Variants in SNX18 observed in about 807,000 individuals in gnomAD.
SNX18 encodes the protein sorting nexin-18.
SNX18 carries 35 observed loss-of-function variants against 48.7 expected under a neutral mutation model. That is an observed-to-expected ratio of 0.72 (90% CI 0.55 to 0.95). The LOEUF (loss-of-function observed/expected upper bound fraction) is 0.95, where lower values mean the gene tolerates loss of function less well. SNX18 is among the 40% of genes least tolerant of loss of function. SNX18 has a pLI of 0.00. For synonymous variants in SNX18, 492 were observed against 384.7 expected (o/e 1.28, Z -3.26); for missense variants, 824 against 871.0 (o/e 0.95, Z 0.68).
intron 1 of SNX18, among the ~76,000 whole-genome samples, chr5:54,533,006 A>G (rs1182878881): frequency 6.6e-6 from 1 of 152,222 alleles, no homozygotes; most frequent in African/African-American, 2.4e-5. Flanking sequence ...AGAATATTAT[A>G]ACAATGCTTT....
the SNX18 span, among the ~76,000 whole-genome samples, chr5:54,598,302 G>A: frequency 6.6e-6 from 1 of 151,992 alleles, no homozygotes; most frequent in African/African-American, 2.4e-5. Context: ...CCAGAACTCA[G>A]CTCCTACAAA....
the SNX18 span, among the ~76,000 whole-genome samples, chr5:54,554,105 G>T: frequency 6.6e-6 from 1 of 152,200 alleles, no homozygotes; most frequent in Admixed American, 6.5e-5. Context: ...CCCTTGGCAA[G>T]GCTTGTATTG....
At chr5:54,531,449 GT>G (rs1762252122) in intron 1 of SNX18, among the ~76,000 whole-genome samples, 1 of 152,124 alleles carries the variant, frequency 6.6e-6, no homozygotes, top group Non-Finnish European at 1.5e-5. Context: ...ATTGTGTTTA[GT>G]TATGTTGACA....
the SNX18 span, among the ~76,000 whole-genome samples, chr5:54,590,841 CATGAGGG>C: frequency 1.3e-5 from 2 of 152,126 alleles, no homozygotes; most frequent in Non-Finnish European, 2.9e-5. Context: ...TCCTGAGCTC[CATGAGGG>C]CAGGAAGCAT....
At chr5:54,599,268 TAAC>T in the SNX18 span, among the ~76,000 whole-genome samples, 1 of 152,216 alleles carries the variant, frequency 6.6e-6, no homozygotes, top group Non-Finnish European at 1.5e-5. Context: ...AGAATACAGT[TAAC>T]AAGGGAAATG....
the SNX18 span, among the ~76,000 whole-genome samples, chr5:54,554,800 G>T: frequency 6.6e-6 from 1 of 152,170 alleles, no homozygotes; most frequent in African/African-American, 2.4e-5. Context: ...ACTTTCTGAG[G>T]AGCAGCCATG....
In SNX18 at chr5:54,518,099, C is replaced by T. The variant is rs766404685; in HGVS notation, c.147C>T (p.Gly49=). The stretch of plus-strand genomic sequence containing the variant: ...GGGTCAACAGCCGCGGCGACCGCGG[C>T]CTCTTCCCGGCCTCCTATGTGCAGG... ...LEGVNSRGDR[G]LFPASYVQVI... is the part of the protein sequence containing the mutation. Residue 49 remains glycine (G), a synonymous_variant, in exon 1 of 2, where the codon GGC becomes GGT. Coordinates refer to ENST00000381410, the MANE Select transcript of SNX18 (RefSeq NM_001102575.2). 10 of 1,518,422 alleles carry T rather than the reference C, an allele frequency of 6.6e-6. No homozygotes were observed. The highest frequency in any genetic ancestry group is 3.7e-5 in the South Asian group (3 of 81,572). 94.1% of individuals were successfully genotyped at this position (1,518,422 alleles called of 1,614,324 possible). A position where few individuals can be genotyped will look rare whatever the true frequency, so the allele number is the denominator to read the frequency against.
At chr5:54,525,277 A>G (rs963525896) in intron 1 of SNX18, among the ~76,000 whole-genome samples, 3 of 152,090 alleles carry the variant, frequency 2.0e-5, no homozygotes, top group Non-Finnish European at 4.4e-5. Flanking sequence ...ATGGTGGCAC[A>G]TGGCTTTAAT....
the SNX18 span, among the ~76,000 whole-genome samples, chr5:54,627,965 T>C: frequency 1.3e-5 from 2 of 152,184 alleles, no homozygotes; most frequent in African/African-American, 4.8e-5. Context: ...TACCCACGCC[T>C]ACATCTGGGT....
At chr5:54,639,329 T>G in the SNX18 span, among the ~76,000 whole-genome samples, 2 of 152,190 alleles carry the variant, frequency 1.3e-5, no homozygotes, top group African/African-American at 4.8e-5. Context: ...TTAGAATCCA[T>G]ACATGTATTT....
At chr5:54,531,381 G>C (rs1762251036) in intron 1 of SNX18, among the ~76,000 whole-genome samples, 1 of 152,140 alleles carries the variant, frequency 6.6e-6, no homozygotes, top group African/African-American at 2.4e-5. Context: ...TAAAAGGAAA[G>C]ACAAGGAATG....
intron 1 of SNX18, among the ~76,000 whole-genome samples, chr5:54,525,868 T>C (rs938428130): frequency 6.6e-6 from 1 of 152,196 alleles, no homozygotes; most frequent in Non-Finnish European, 1.5e-5. Context: ...TGTGACTGTT[T>C]TACGGGAGCA....
rs149569315 is a variant in SNX18 at position 54,522,386 on chromosome 5, A to G, written c.1621+2813A>G. 3.3e-3 allele frequency among the ~76,000 whole-genome samples: 508 copies of G among 152,344 alleles called. 4 individuals carry two copies. The highest frequency in any genetic ancestry group is 0.012 in the African/African-American group (492 of 41,586). On this transcript the variant is annotated intron_variant, in intron 1 of 1. Transcript: ENST00000381410. ...TCAACAGAAATGATAGAACTTTTCC[A>G]TCAGTGCTGAAAGTTCTATTGGACA...
At chr5:54,551,181 G>C (rs943075381), downstream of SNX18, among the ~76,000 whole-genome samples, 1 of 152,102 alleles carries the variant, frequency 6.6e-6, no homozygotes, top group South Asian at 2.1e-4. Flanking sequence ...GGCACAGGAA[G>C]AACTATCTTG....
At chr5:54,572,310 G>A in the SNX18 span, among the ~76,000 whole-genome samples, 154 of 152,178 alleles carry the variant, frequency 1.0e-3, no homozygotes, top group African/African-American at 3.6e-3. Context: ...GTGACAGCAG[G>A]GATAAAATGG....
At chr5:54,608,098 A>C in the SNX18 span, among the ~76,000 whole-genome samples, 3 of 152,040 alleles carry the variant, frequency 2.0e-5, no homozygotes, top group African/African-American at 7.2e-5. Flanking sequence ...CTGCCAAACT[A>C]TTTTCCAGAG....
the SNX18 span, among the ~76,000 whole-genome samples, chr5:54,584,577 T>C: frequency 1.3e-5 from 2 of 152,178 alleles, no homozygotes; most frequent in South Asian, 2.1e-4. Flanking sequence ...AAGCCAGGTG[T>C]CTATGCACTG....
At chr5:54,547,262 A>G (rs1762590439), downstream of SNX18, among the ~76,000 whole-genome samples, 1 of 152,208 alleles carries the variant, frequency 6.6e-6, no homozygotes, top group Non-Finnish European at 1.5e-5. Flanking sequence ...AGAAGAAAGG[A>G]CCTTTATCTG....
the SNX18 span, among the ~76,000 whole-genome samples, chr5:54,640,720 T>A: frequency 1.3e-5 from 2 of 151,920 alleles, no homozygotes; most frequent in African/African-American, 4.8e-5. Flanking sequence ...TAGAAGGGGA[T>A]GGGGTAATCA....
Sources: gnomAD v4.1 joint callset for allele counts (sites outside exome capture counted in the v4.1 genomes callset) on GRCh38, gnomAD v4.1.1 for gene constraint, MANE v1.5 for transcripts, NCBI Gene and HGNC (gene_info 2026-07-23, HGNC 2026-07-21) for gene names.